ASB7: variants seen among roughly 807,000 people sequenced by gnomAD.
ASB7 encodes ankyrin repeat and SOCS box containing 7.
A neutral mutation model predicts 32.5 loss-of-function variants in ASB7; 4 were observed. The ratio of observed to expected loss-of-function variants is 0.12; its 90% CI spans 0.06 to 0.28. The LOEUF (loss-of-function observed/expected upper bound fraction) is 0.28, where lower values mean the gene tolerates loss of function less well. Ranked by LOEUF, ASB7 falls within the 10% of genes least tolerant of loss-of-function variation. The pLI, the probability that ASB7 is intolerant of heterozygous loss-of-function variation, is 1.00. For synonymous variants in ASB7, 172 were observed against 155.6 expected, an observed-to-expected ratio of 1.11 and a Z score of -0.78; for missense variants, 181 against 407.1, an observed-to-expected ratio of 0.44 and a Z score of 4.78.
Position 100,625,396 on chromosome 15 carries a change from G to T in ASB7, c.212-4041G>T, listed in dbSNP as rs2039829182. Among the ~76,000 whole-genome samples, 3 of 152,268 alleles carry T rather than the reference G, an allele frequency of 2.0e-5. No homozygotes were observed. The South Asian group carries it at 6.2e-4, about 32-fold the overall frequency. ...GGTAGGTTATAGAATACACAAGTCA[G>T]TGTATAAAAATCAATTTTATTTCTA... On this transcript the variant is annotated intron_variant, in intron 4 of 5. Transcript: ENST00000332783.
chr15:100,613,277 T>C (rs930172877), intron 4 of ASB7, among the ~76,000 whole-genome samples: 2 of 152,220 alleles, frequency 1.3e-5, no homozygotes, highest in African/African-American at 2.4e-5. Context: ...GTTACAAAAC[T>C]AGCCAAACTT....
At chr15:100,620,679 G>A (rs1473359931) in intron 4 of ASB7, among the ~76,000 whole-genome samples, 2 of 152,102 alleles carry the variant, frequency 1.3e-5, no homozygotes, top group African/African-American at 2.4e-5. Context: ...TGTTAGAATC[G>A]TGATGGAAGA....
chr15:100,651,045 A>G lies in ASB7; in HGVS notation c.*2583A>G, dbSNP rs1022631814. On this transcript the variant is annotated 3_prime_UTR_variant, in exon 6 of 6. Transcript: ENST00000332783. Reference sequence around the variant, plus strand: ...TTCAGAATATTTTCAAATTTGTCAGATTCTTTTATGTTTCCTTTGAAATTT... The same window carrying G: ...TTCAGAATATTTTCAAATTTGTCAGGTTCTTTTATGTTTCCTTTGAAATTT... 3 of 152,226 alleles carry G rather than the reference A, an allele frequency of 2.0e-5. No individual in the cohort carries two copies. Among genetic ancestry groups the G allele is most frequent in the African/African-American group, 7.2e-5 (3 of 41,462 alleles). 9.4% of individuals were successfully genotyped at this position (152,226 alleles called of 1,614,324 possible). A position where few individuals can be genotyped will look rare whatever the true frequency, so the allele number is the denominator to read the frequency against.
chr15:100,624,852 T>C (rs1443728909), intron 4 of ASB7, among the ~76,000 whole-genome samples: 1 of 152,046 alleles, frequency 6.6e-6, no homozygotes, highest in Non-Finnish European at 1.5e-5. Context: ...TTCATGACAA[T>C]AGATACCAAA....
At chr15:100,641,708 A>G (rs1417735940) in intron 5 of ASB7, among the ~76,000 whole-genome samples, 1 of 152,224 alleles carries the variant, frequency 6.6e-6, no homozygotes, top group Non-Finnish European at 1.5e-5. Context: ...TCCTGACACC[A>G]GGAAGGTGGA....
Position 100,648,528 on chromosome 15 carries a change from A to C in ASB7, c.*66A>C. Reference sequence around the variant, plus strand: ...ATACTTAAAAGGCTTTTTGCCTTGCACAAAGTATATCCTATGCAATTTCTG... The same window carrying C: ...ATACTTAAAAGGCTTTTTGCCTTGCCCAAAGTATATCCTATGCAATTTCTG... On this transcript the variant is annotated 3_prime_UTR_variant, in exon 6 of 6. Transcript: ENST00000332783. 7.3e-7 allele frequency: 1 copy of C among 1,370,710 alleles called. No homozygotes were observed. Among genetic ancestry groups the C allele is most frequent in the Non-Finnish European group, 1.0e-6 (1 of 995,992 alleles). 84.9% of individuals were successfully genotyped at this position (1,370,710 alleles called of 1,614,324 possible). A position where few individuals can be genotyped will look rare whatever the true frequency, so the allele number is the denominator to read the frequency against.
At chr15:100,637,175 A>G (rs1037602729) in intron 5 of ASB7, among the ~76,000 whole-genome samples, 3 of 152,258 alleles carry the variant, frequency 2.0e-5, no homozygotes, top group African/African-American at 7.2e-5. Context: ...GAGGAAAAGC[A>G]ACTTCATTTG....
At chr15:100,620,996 G>A (rs72761271) in intron 4 of ASB7, among the ~76,000 whole-genome samples, 43,158 of 152,030 alleles carry the variant, frequency 0.28, 7,309 homozygotes, top group South Asian at 0.42. Context: ...AGATAGGGGG[G>A]TAATCAAAGA....
At chr15:100,617,396 C>G (rs1011401373) in intron 4 of ASB7, among the ~76,000 whole-genome samples, 27 of 152,350 alleles carry the variant, frequency 1.8e-4, no homozygotes, top group South Asian at 6.2e-4. Flanking sequence ...GCCACAGCCC[C>G]TCTGCATTCT....
At chr15:100,615,729 C>T (rs1265917985) in intron 4 of ASB7, among the ~76,000 whole-genome samples, 1 of 152,146 alleles carries the variant, frequency 6.6e-6, no homozygotes, top group Non-Finnish European at 1.5e-5. Context: ...AATATTTTTC[C>T]GTTTTCTACC....
At chr15:100,635,208 C>G (rs1212790516) in intron 5 of ASB7, among the ~76,000 whole-genome samples, 1 of 152,210 alleles carries the variant, frequency 6.6e-6, no homozygotes, top group Non-Finnish European at 1.5e-5. Context: ...CTCCTCAGAG[C>G]TGCTGCTTAT....
In ASB7 at chr15:100,603,230, A is replaced by G; in HGVS notation, c.-257A>G. ...GTTTTTCTAGGTTTGAGCTGGCTGAAGAAGACGCGAAAGCAGGAAGAGGTC... is the reference window on the plus strand; with the variant it reads ...GTTTTTCTAGGTTTGAGCTGGCTGAGGAAGACGCGAAAGCAGGAAGAGGTC... On this transcript the variant is annotated 5_prime_UTR_variant, in exon 2 of 6. Transcript: ENST00000332783. 2 of 377,524 alleles carry G rather than the reference A, an allele frequency of 5.3e-6. No individual in the cohort carries two copies. The highest frequency in any genetic ancestry group is 6.8e-4 in the Middle Eastern group (1 of 1,480). 23.4% of individuals were successfully genotyped at this position (377,524 alleles called of 1,614,324 possible).
chr15:100,617,763 A>T lies in ASB7; in HGVS notation c.211+5336A>T, dbSNP rs1483679177. Among the ~76,000 whole-genome samples, 3 of 152,312 alleles carry T rather than the reference A, an allele frequency of 2.0e-5. No individual in the cohort carries two copies. The East Asian group carries it at 5.8e-4, about 29-fold the overall frequency. On this transcript the variant is annotated intron_variant, in intron 4 of 5. Transcript: ENST00000332783. Reference sequence around the variant, plus strand: ...TCTTTATTTTATGTCTATATCTCTGATTCATCTAAAGCTTCTTGAGGGTAG... The same window carrying T: ...TCTTTATTTTATGTCTATATCTCTGTTTCATCTAAAGCTTCTTGAGGGTAG...
chr15:100,625,432 T>C (rs2039829497), intron 4 of ASB7, among the ~76,000 whole-genome samples: 1 of 152,172 alleles, frequency 6.6e-6, no homozygotes, highest in Non-Finnish European at 1.5e-5. Context: ...TCAGCAGTCA[T>C]CATTTGGAAA....
intron 5 of ASB7, among the ~76,000 whole-genome samples, chr15:100,640,955 G>C (rs1304416257): frequency 6.6e-6 from 1 of 152,122 alleles, no homozygotes; most frequent in Non-Finnish European, 1.5e-5. Flanking sequence ...TTCCATTGTA[G>C]TTCATTAGTA....
intron 4 of ASB7, among the ~76,000 whole-genome samples, chr15:100,621,861 T>TG (rs150515319): frequency 0.081 from 12,010 of 148,118 alleles, 618 homozygotes; most frequent in South Asian, 0.12. Flanking sequence ...TCTAGAATGG[T>TG]GAAAAAAAGA....
chr15:100,612,417 A>G lies in ASB7; in HGVS notation c.201A>G (p.Leu67=), dbSNP rs1200915691. 6.2e-7 allele frequency: 1 copy of G among 1,611,410 alleles called. No individual in the cohort carries two copies. The highest frequency in any genetic ancestry group is 1.7e-5 in the Admixed American group (1 of 60,030). ...AGGAAAGATGTGTTCGGGTTTTTCTAGAACACGGAGGTGAGTTTTGTAGAA... is the reference window on the plus strand; with the variant it reads ...AGGAAAGATGTGTTCGGGTTTTTCTGGAACACGGAGGTGAGTTTTGTAGAA... The part of the protein sequence containing the change: ...RGKERCVRVF[L]EHGADPTVKD... Residue 67 remains leucine (L), a synonymous_variant, in exon 4 of 6, where the codon CTA becomes CTG. Coordinates refer to ENST00000332783, the MANE Select transcript of ASB7 (RefSeq NM_198243.3).
chr15:100,625,387 C>G lies in ASB7; in HGVS notation c.212-4050C>G, dbSNP rs554196921. The stretch of plus-strand genomic sequence containing the variant: ...GTGATTTTGGGTAGGTTATAGAATA[C>G]ACAAGTCAGTGTATAAAAATCAATT... On this transcript the variant is annotated intron_variant, in intron 4 of 5. Transcript: ENST00000332783. Among the ~76,000 whole-genome samples the G allele has an allele frequency of 7.9e-5, 12 of 152,224 alleles. No homozygotes were observed. In the South Asian group the frequency reaches 2.5e-3, roughly 32 times the overall value.
chr15:100,622,705 C>G (rs1204063167), intron 4 of ASB7, among the ~76,000 whole-genome samples: 1 of 152,202 alleles, frequency 6.6e-6, no homozygotes, highest in Non-Finnish European at 1.5e-5. Flanking sequence ...AAAGGACACC[C>G]TCTTCAGGCT....
Sources: gnomAD v4.1 joint callset for allele counts (sites outside exome capture counted in the v4.1 genomes callset) on GRCh38, gnomAD v4.1.1 for gene constraint, MANE v1.5 for transcripts, NCBI Gene and HGNC (gene_info 2026-07-23, HGNC 2026-07-21) for gene names.